The following BCL2L1 variants were observed in gnomAD, a reference collection of about 807,000 sequenced individuals.
BCL2L1 encodes BCL2 like 1.
Under a neutral mutation model 18.7 loss-of-function variants are expected in BCL2L1, and 1 was observed. The ratio of observed to expected loss-of-function variants is 0.05; its 90% CI spans 0.02 to 0.25. The LOEUF (loss-of-function observed/expected upper bound fraction) is 0.25, where lower values mean the gene tolerates loss of function less well. BCL2L1 is among the 10% of genes least tolerant of loss of function. The pLI is 1.00. For missense variants in BCL2L1, 207 were observed against 304.9 expected, an observed-to-expected ratio of 0.68 and a Z score of 2.39; for synonymous variants, 103 against 122.7, an observed-to-expected ratio of 0.84 and a Z score of 1.06.
intron 2 of BCL2L1, among the ~76,000 whole-genome samples, chr20:31,701,657 A>C (rs1256562317): frequency 1.3e-5 from 2 of 152,258 alleles, no homozygotes; most frequent in African/African-American, 4.8e-5. Flanking sequence ...ATATATAAAA[A>C]ATGATGTTCC....
chr20:31,699,777 TAGG>T (rs2122693005), intron 2 of BCL2L1, among the ~76,000 whole-genome samples: 1 of 152,318 alleles, frequency 6.6e-6, no homozygotes, highest in African/African-American at 2.4e-5. Context: ...GAAAAGAAAG[TAGG>T]GCTAATGGAC....
At chr20:31,685,533 G>A (rs1164053639) in intron 2 of BCL2L1, among the ~76,000 whole-genome samples, 2 of 152,176 alleles carry the variant, frequency 1.3e-5, no homozygotes, top group East Asian at 3.8e-4. Context: ...CAGAAAAAAG[G>A]CAATTTGAAA....
chr20:31,720,341 C>T (rs1382151214), intron 2 of BCL2L1, among the ~76,000 whole-genome samples: 3 of 152,234 alleles, frequency 2.0e-5, no homozygotes, highest in African/African-American at 7.2e-5. Flanking sequence ...TTCCTGAGTC[C>T]ATGGTGCATG....
chr20:31,695,840 T>C (rs2122658654), intron 2 of BCL2L1, among the ~76,000 whole-genome samples: 1 of 152,336 alleles, frequency 6.6e-6, no homozygotes, highest in East Asian at 1.9e-4. Flanking sequence ...TCAGATCCAA[T>C]GTCACTTTAT....
chr20:31,709,840 C>CA (rs56937786), intron 2 of BCL2L1, among the ~76,000 whole-genome samples: 1,185 of 63,932 alleles, frequency 0.019, 83 homozygotes, highest in Admixed American at 0.047. Context: ...GACTCCATCT[C>CA]AAAAAAAAAA....
chr20:31,695,005 C>A (rs1364347292), intron 2 of BCL2L1, among the ~76,000 whole-genome samples: 1 of 152,186 alleles, frequency 6.6e-6, no homozygotes, highest in East Asian at 1.9e-4. Context: ...AAGGCATCTT[C>A]CCCTTATTAA....
rs1219594547 is a variant in BCL2L1, at chr20:31,665,761, G to A, written c.*188C>T. 2 of 723,304 alleles carry A rather than the reference G, an allele frequency of 2.8e-6. No individual in the cohort carries two copies. The highest frequency in any genetic ancestry group is 4.4e-6 in the Non-Finnish European group (2 of 450,768). 44.8% of individuals were successfully genotyped at this position (723,304 alleles called of 1,614,324 possible). On this transcript the variant is annotated 3_prime_UTR_variant, in exon 3 of 3. Transcript: ENST00000307677. Reference sequence around the variant, plus strand: ...TGAGGCCAAGGGAACTGAGGTGTGGGGGTCTCACAGAAGTGTGATAAATTC... The same window carrying A: ...TGAGGCCAAGGGAACTGAGGTGTGGAGGTCTCACAGAAGTGTGATAAATTC...
chr20:31,685,221 T>A (rs541270870), intron 2 of BCL2L1, among the ~76,000 whole-genome samples: 2 of 151,936 alleles, frequency 1.3e-5, no homozygotes, highest in African/African-American at 4.8e-5. Flanking sequence ...GCTAACACGG[T>A]GAAACCCCGT....
intron 2 of BCL2L1, among the ~76,000 whole-genome samples, chr20:31,675,894 A>G (rs1013924129): frequency 1.9e-4 from 29 of 151,574 alleles, no homozygotes; most frequent in Non-Finnish European, 2.9e-5. Context: ...TCTTCCTCCA[A>G]CTCTGACCTG....
At chr20:31,718,085 G>A (rs1234170631) in intron 2 of BCL2L1, among the ~76,000 whole-genome samples, 1 of 152,190 alleles carries the variant, frequency 6.6e-6, no homozygotes, top group Admixed American at 6.5e-5. Context: ...CAGGAGAAGG[G>A]CTTTTGTGCT....
At chr20:31,673,487 A>AT (rs1481845376) in intron 2 of BCL2L1, among the ~76,000 whole-genome samples, 5 of 143,340 alleles carry the variant, frequency 3.5e-5, no homozygotes, top group Non-Finnish European at 6.2e-5. Flanking sequence ...CTACAAAAAA[A>AT]TTAAAAAAAA....
rs1250748921 is a variant in BCL2L1, at chr20:31,707,831, T to C, written c.564+13824A>G. On this transcript the variant is annotated intron_variant, in intron 2 of 2. Transcript: ENST00000307677. ...AAAAGCACTGTATATTGTTACCTCT[T>C]TTCCATACATGAGGAAACTAAGGCT... Among the ~76,000 whole-genome samples, 3 of 152,074 alleles carry C rather than the reference T, an allele frequency of 2.0e-5. No homozygotes were observed. The East Asian group carries it at 5.8e-4, about 29-fold the overall frequency.
At chr20:31,723,517 A>G (rs2122891704), upstream of BCL2L1, 1 of 984,954 alleles carries the variant, frequency 1.0e-6, no homozygotes. Flanking sequence ...CGGCTTCTCG[A>G]GCTCACTAGG....
chr20:31,695,777 T>C (rs1178571785), intron 2 of BCL2L1, among the ~76,000 whole-genome samples: 1 of 152,216 alleles, frequency 6.6e-6, no homozygotes, highest in Non-Finnish European at 1.5e-5. Flanking sequence ...CTGTTCTCTA[T>C]GCCTACAACA....
rs1024061730 is a variant in BCL2L1, at chr20:31,665,832, T to C, written c.*117A>G. The stretch of plus-strand genomic sequence containing the variant: ...ACCAGATCTGGGCCCAACCCTGTGA[T>C]GGGCAGGTGGGCATGGGCTGCATGT... On this transcript the variant is annotated 3_prime_UTR_variant, in exon 3 of 3. Transcript: ENST00000307677. 1 of 1,373,864 alleles carries C rather than the reference T, an allele frequency of 7.3e-7. No homozygotes were observed. Among genetic ancestry groups the C allele is most frequent in the Non-Finnish European group, 1.0e-6 (1 of 1,001,882 alleles). The allele number at this position is 1,373,864 out of a possible 1,614,324, so 85.1% of individuals were successfully genotyped here. A position where few individuals can be genotyped will look rare whatever the true frequency, so the allele number is the denominator to read the frequency against.
At chr20:31,698,839 C>T (rs544851062) in intron 2 of BCL2L1, among the ~76,000 whole-genome samples, 1 of 152,290 alleles carries the variant, frequency 6.6e-6, no homozygotes, top group African/African-American at 2.4e-5. Flanking sequence ...CACACCTGCC[C>T]TTTTTTGCTT....
At chr20:31,690,256 T>A (rs2061040115) in intron 2 of BCL2L1, among the ~76,000 whole-genome samples, 1 of 151,886 alleles carries the variant, frequency 6.6e-6, no homozygotes, top group African/African-American at 2.4e-5. Flanking sequence ...TGCAAATGAC[T>A]AATTTTTTTT....
intron 2 of BCL2L1, among the ~76,000 whole-genome samples, chr20:31,674,874 CA>C (rs11372425): frequency 3.4e-3 from 252 of 74,738 alleles, no homozygotes; most frequent in East Asian, 0.01. Flanking sequence ...GACCCCGTCT[CA>C]AAAAAAAAAA....
At chr20:31,678,345 G>A (rs1021387639) in intron 2 of BCL2L1, among the ~76,000 whole-genome samples, 6 of 152,136 alleles carry the variant, frequency 3.9e-5, no homozygotes, top group East Asian at 3.8e-4. Flanking sequence ...CAGTTCCATC[G>A]CTGATTTGCA....
Sources: gnomAD v4.1 joint callset for allele counts (sites outside exome capture counted in the v4.1 genomes callset) on GRCh38, gnomAD v4.1.1 for gene constraint, MANE v1.5 for transcripts, NCBI Gene and HGNC (gene_info 2026-07-23, HGNC 2026-07-21) for gene names.